The following FSIP2 variants were observed in gnomAD, a reference collection of about 807,000 sequenced individuals.
FSIP2 encodes fibrous sheath interacting protein 2.
FSIP2 carries 367 observed loss-of-function variants against 510.5 expected under a neutral mutation model. That is an observed-to-expected ratio of 0.72 (90% CI 0.66 to 0.78). The LOEUF (loss-of-function observed/expected upper bound fraction) is 0.78, where lower values mean the gene tolerates loss of function less well. Ranked by LOEUF, FSIP2 falls within the 30% of genes least tolerant of loss-of-function variation. The probability of loss-of-function intolerance (pLI) is 0.00; values close to 1 mark genes in which losing one functional copy is unlikely to be tolerated. For synonymous variants in FSIP2, 2,601 were observed against 2,732.2 expected (o/e 0.95, Z 1.50); for missense variants, 7,594 against 7,901.7 (o/e 0.96, Z 1.48).
intron 13 of FSIP2, among the ~76,000 whole-genome samples, chr2:185,781,673 CCTAT>C (rs1211121770): frequency 6.6e-6 from 1 of 152,186 alleles, no homozygotes; most frequent in African/African-American, 2.4e-5. Context: ...AGAAAGTTCT[CCTAT>C]CTCTTTGAAA....
intron 5 of FSIP2, among the ~76,000 whole-genome samples, chr2:185,745,857 A>T (rs1323390747): frequency 6.6e-6 from 1 of 152,132 alleles, no homozygotes; most frequent in African/African-American, 2.4e-5. Context: ...ATATTCAAAC[A>T]GTAACAGCTT....
intron 15 of FSIP2, 42 bp from the exon 16 acceptor site, chr2:185,788,601 G>T: frequency 7.3e-7 from 1 of 1,363,610 alleles, no homozygotes; most frequent in Non-Finnish European, 9.6e-7. Flanking sequence ...AGAGTAAGTT[G>T]TTACATGACT....
chr2:185,739,219 T>C (rs1691869698), intron 1 of FSIP2, 127 bp from the exon 2 acceptor site: 1 of 1,193,464 alleles, frequency 8.4e-7, no homozygotes, highest in Non-Finnish European at 1.1e-6. Context: ...ACGGGAGGAC[T>C]TCAGGATGCC....
At chr2:185,821,919 C>A in intron 19 of FSIP2, among the ~76,000 whole-genome samples, 1 of 118,102 alleles carries the variant, frequency 8.5e-6, no homozygotes. Flanking sequence ...GAATGAGACC[C>A]TATCTCAAAA....
In FSIP2 at chr2:185,806,123, T is replaced by C. The variant is rs758103734; in HGVS notation, c.16817T>C (p.Ile5606Thr). 13 of 1,573,924 alleles carry C rather than the reference T, an allele frequency of 8.3e-6. No individual in the cohort carries two copies. In the South Asian group the frequency reaches 9.6e-5, roughly 12 times the overall value. ...EKEVLGSDSE[I>T]GYKKKIDNAR... ...GAAGTACTTGGATCAGATTCTGAAA[T>C]AGGCTATAAAAAGAAGATTGACAAT... The change falls in exon 17 of 23, where the codon ATA (isoleucine) becomes ACA (threonine). Residue 5606 changes from isoleucine (I) to threonine (T), a missense_variant. Coordinates refer to ENST00000424728, the MANE Select transcript of FSIP2 (RefSeq NM_173651.4).
In FSIP2 at chr2:185,803,925, T is replaced by A; in HGVS notation, c.14619T>A (p.His4873Gln). The change falls in exon 17 of 23, where the codon CAT becomes CAA. Residue 4873 changes from histidine (H) to glutamine (Q), a missense_variant. Transcript: ENST00000424728. Reference protein sequence around the residue: ...MVDSIYADLSHSNIYQSITKD... With the variant: ...MVDSIYADLSQSNIYQSITKD... ...ATTCCATTTATGCTGATCTTTCTCA[T>A]TCAAATATATACCAGTCCATTACAA... 2 of 1,522,420 alleles carry A rather than the reference T, an allele frequency of 1.3e-6. No individual in the cohort carries two copies. Among genetic ancestry groups the A allele is most frequent in the Non-Finnish European group, 1.8e-6 (2 of 1,136,948 alleles). 94.3% of individuals were successfully genotyped at this position (1,522,420 alleles called of 1,614,324 possible). A position where few individuals can be genotyped will look rare whatever the true frequency, so the allele number is the denominator to read the frequency against.
At chr2:185,775,106 A>T (rs1692691527) in intron 13 of FSIP2, among the ~76,000 whole-genome samples, 3 of 111,128 alleles carry the variant, frequency 2.7e-5, no homozygotes, top group Non-Finnish European at 5.5e-5. Flanking sequence ...CAGTAATGGG[A>T]TGGCTGGGTC....
chr2:185,739,644 C>T (rs546776145), intron 2 of FSIP2, among the ~76,000 whole-genome samples, 173 bp downstream of exon 2: 17 of 152,300 alleles, frequency 1.1e-4, no homozygotes, highest in African/African-American at 3.6e-4. Context: ...GCACTTTCAT[C>T]TTAATGGTTT....
Position 185,746,771 on chromosome 2 carries a change from C to T in FSIP2, c.720C>T (p.His240=). Residue 240 remains histidine (H), a synonymous_variant, in exon 6 of 23, where the codon CAC becomes CAT. Coordinates refer to ENST00000424728, the MANE Select transcript of FSIP2 (RefSeq NM_173651.4). ...GAGAAGAAAGACGACAGCGGGAACACACAAGAAGAAAACTTACTCTTCGTA... is the reference window on the plus strand; with the variant it reads ...GAGAAGAAAGACGACAGCGGGAACATACAAGAAGAAAACTTACTCTTCGTA... ...MDREERRQRE[H]TRRKLTLRRK... is the part of the protein sequence containing the mutation. 1.3e-6 allele frequency: 2 copies of T among 1,528,082 alleles called. No homozygotes were observed. Among genetic ancestry groups the T allele is most frequent in the Non-Finnish European group, 1.7e-6 (2 of 1,143,966 alleles). 94.7% of individuals were successfully genotyped at this position (1,528,082 alleles called of 1,614,324 possible).
Position 185,793,819 on chromosome 2 carries a change from A to G in FSIP2, c.6683A>G (p.Asn2228Ser). The G allele has an allele frequency of 6.5e-7, 1 of 1,532,792 alleles. No individual in the cohort carries two copies. The highest frequency in any genetic ancestry group is 8.7e-7 in the Non-Finnish European group (1 of 1,145,334). The allele number at this position is 1,532,792 out of a possible 1,614,324, so 94.9% of individuals were successfully genotyped here. A position where few individuals can be genotyped will look rare whatever the true frequency, so the allele number is the denominator to read the frequency against. The change falls in exon 16 of 23, where the codon AAT becomes AGT. Residue 2228 changes from asparagine to serine, a missense_variant. Coordinates refer to ENST00000424728, the MANE Select transcript of FSIP2 (RefSeq NM_173651.4). ...CAGAAATCAGCTTATGCTGATGATA[A>G]TCAGATAACTGTAGTAGAGAAAGAA... ...RNQKSAYADD[N>S]QITVVEKEDT...
chr2:185,805,341 A>C lies in FSIP2; in HGVS notation c.16035A>C (p.Lys5345Asn), dbSNP rs1235411963. Residue 5345 changes from lysine to asparagine, a missense_variant, in exon 17 of 23, where the codon AAA becomes AAC. Coordinates refer to ENST00000424728, the MANE Select transcript of FSIP2 (RefSeq NM_173651.4). ...TGTTTTCTTTTCCACCAATTGATAA[A>C]GAGACAGTTGATAAAATATCCAATT... ...EKMFSFPPIDKETVDKISNFV... is the reference protein window; with the variant it reads ...EKMFSFPPIDNETVDKISNFV... 7.5e-6 allele frequency: 12 copies of C among 1,598,916 alleles called. No homozygotes were observed. The highest frequency in any genetic ancestry group is 1.0e-5 in the Non-Finnish European group (12 of 1,174,468).
intron 12 of FSIP2, 140 bp downstream of exon 12, chr2:185,763,429 C>A: frequency 3.3e-6 from 2 of 607,804 alleles, no homozygotes; most frequent in African/African-American, 1.9e-5. Context: ...ACAATAATAA[C>A]GTTTTAATAG....
At chr2:185,753,907 T>C in intron 8 of FSIP2, 65 bp downstream of exon 8, 2 of 1,130,756 alleles carry the variant, frequency 1.8e-6, no homozygotes, top group South Asian at 2.0e-5. Context: ...GTAAAAATCC[T>C]TGTGTAATAC....
At chr2:185,816,674 CTAAAATAAAA>C (rs940230711) in intron 19 of FSIP2, among the ~76,000 whole-genome samples, 14 of 151,386 alleles carry the variant, frequency 9.2e-5, no homozygotes, top group South Asian at 4.2e-4. Context: ...CCTAACTCTA[CTAAAATAAAA>C]TAAAATAAAA....
intron 2 of FSIP2, among the ~76,000 whole-genome samples, chr2:185,739,923 A>C (rs1691889720): frequency 6.7e-6 from 1 of 149,568 alleles, no homozygotes; most frequent in Non-Finnish European, 1.5e-5. Flanking sequence ...ACACATAAAG[A>C]AAAAAAAAAG....
Position 185,808,450 on chromosome 2 carries a change from G to T in FSIP2, c.19144G>T (p.Ala6382Ser). 1 of 1,604,988 alleles carries T rather than the reference G, an allele frequency of 6.2e-7. No homozygotes were observed. Among genetic ancestry groups the T allele is most frequent in the Non-Finnish European group, 8.5e-7 (1 of 1,177,330 alleles). The change falls in exon 17 of 23, where the codon GCA becomes TCA. Residue 6382 changes from alanine to serine, a missense_variant. Ala to Ser is a moderately conservative substitution (Grantham distance 99). Transcript: ENST00000424728. Reference protein sequence around the residue: ...NLSKTELNKIASQLSKLVTAE... With the variant: ...NLSKTELNKISSQLSKLVTAE... ...ATCAAAGACTGAGTTAAATAAAATT[G>T]CATCTCAACTGTCAAAATTGGTAAC...
chr2:185,767,803 T>C (rs1692523016), intron 13 of FSIP2, among the ~76,000 whole-genome samples: 1 of 152,180 alleles, frequency 6.6e-6, no homozygotes, highest in Non-Finnish European at 1.5e-5. Context: ...TTGTGAATAA[T>C]GCTGCAGTAA....
chr2:185,808,365 C>G lies in FSIP2; in HGVS notation c.19059C>G (p.Ala6353=). The stretch of plus-strand genomic sequence containing the variant: ...CCAAACTTTTAGAAGAGGTGTTGGC[C>G]TTGTTCTTGGCTAAACTAATAAGGT... ...LDAKLLEEVL[A]LFLAKLIRLP... Residue 6353 remains alanine, a synonymous_variant, in exon 17 of 23, where the codon GCC becomes GCG. Coordinates refer to ENST00000424728, the MANE Select transcript of FSIP2 (RefSeq NM_173651.4). 4 of 1,611,492 alleles carry G rather than the reference C, an allele frequency of 2.5e-6. No individual in the cohort carries two copies. Among genetic ancestry groups the G allele is most frequent in the Non-Finnish European group, 3.4e-6 (4 of 1,179,114 alleles).
In FSIP2 at chr2:185,799,845, C is replaced by T; in HGVS notation, c.10539C>T (p.Ser3513=). 6.5e-7 allele frequency: 1 copy of T among 1,532,598 alleles called. No homozygotes were observed. The highest frequency in any genetic ancestry group is 8.7e-7 in the Non-Finnish European group (1 of 1,144,560). 94.9% of individuals were successfully genotyped at this position (1,532,598 alleles called of 1,614,324 possible). A position where few individuals can be genotyped will look rare whatever the true frequency, so the allele number is the denominator to read the frequency against. The change falls in exon 17 of 23, where the codon AGC becomes AGT. Residue 3513 remains serine, a synonymous_variant. Transcript: ENST00000424728. ...CAGTACTTTACCATTTAACTTCGAGCATTTCTGATGGCACCAAAAAGGGTA... is the reference window on the plus strand; with the variant it reads ...CAGTACTTTACCATTTAACTTCGAGTATTTCTGATGGCACCAAAAAGGGTA... ...TESVLYHLTS[S]ISDGTKKGRE...
Sources: allele counts gnomAD v4.1 joint callset (sites outside exome capture counted in the v4.1 genomes callset), GRCh38; gene constraint gnomAD v4.1.1; transcripts MANE v1.5; gene names NCBI Gene and HGNC (gene_info 2026-07-23, HGNC 2026-07-21).